The following KIF1B variants were observed in gnomAD, a reference collection of about 807,000 sequenced individuals.
KIF1B encodes the protein kinesin-like protein KIF1B.
Under a neutral mutation model 241.9 loss-of-function variants are expected in KIF1B, and 76 were observed. The observed-to-expected ratio is 0.31, with a 90% confidence interval of 0.26 to 0.38. The LOEUF (loss-of-function observed/expected upper bound fraction) is 0.38, where lower values mean the gene tolerates loss of function less well. Among genes scored for constraint, KIF1B ranks in the 10% least tolerant of loss-of-function variants. The pLI, the probability that KIF1B is intolerant of heterozygous loss-of-function variation, is 1.00. For synonymous variants in KIF1B, 750 were observed against 796.7 expected, an observed-to-expected ratio of 0.94 and a Z score of 0.99; for missense variants, 1,622 against 2,271.4, an observed-to-expected ratio of 0.71 and a Z score of 5.81.
At chr1:10,258,353 T>C in intron 3 of KIF1B, 140 bp from the exon 4 acceptor site, 1 of 760,754 alleles carries the variant, frequency 1.3e-6, no homozygotes, top group South Asian at 1.7e-5. Flanking sequence ...AGTAAACTTG[T>C]GTATAGGAGG....
chr1:10,256,531 T>C lies in KIF1B; in HGVS notation c.183+208T>C, dbSNP rs540975135. ...GTTTATGTACACATATACATAAATA[T>C]ATACACATATATACATACAGAACAT... is the stretch of plus-strand genomic sequence containing the variant. On this transcript the variant is annotated intron_variant, in intron 3 of 48. Coordinates refer to ENST00000676179, the MANE Select transcript of KIF1B (RefSeq NM_001365951.3). Among the ~76,000 whole-genome samples, 14 of 152,210 alleles carry C rather than the reference T, an allele frequency of 9.2e-5. No homozygotes were observed. The South Asian group carries it at 2.9e-3, about 32-fold the overall frequency.
chr1:10,334,444 T>A (rs1046483728), intron 27 of KIF1B, 76 bp from the exon 28 acceptor site: 43 of 1,078,272 alleles, frequency 4.0e-5, no homozygotes, highest in Non-Finnish European at 6.2e-5. Flanking sequence ...TGCAGGAAGA[T>A]GTTCTCAGTG....
At position 10,303,877 on chromosome 1, in the gene KIF1B, C is replaced by G; in HGVS notation, c.2115+6631C>G. 6.2e-7 allele frequency: 1 copy of G among 1,614,178 alleles called. No homozygotes were observed. Reference sequence around the variant, plus strand: ...TGTAAGTAAAGGAGACAATGGAGAACTTGCAAAAGAAGAACGTGTTTCCCA... The same window carrying G: ...TGTAAGTAAAGGAGACAATGGAGAAGTTGCAAAAGAAGAACGTGTTTCCCA... On this transcript the variant is annotated intron_variant, in intron 22 of 48. Coordinates refer to ENST00000676179, the MANE Select transcript of KIF1B (RefSeq NM_001365951.3). The surrounding 1 kb of genome is among the most constrained non-coding windows in gnomAD (Gnocchi z 5.2).
At chr1:10,291,346 T>C (rs1057485498) in intron 16 of KIF1B, among the ~76,000 whole-genome samples, 185 bp downstream of exon 16, 1 of 152,170 alleles carries the variant, frequency 6.6e-6, no homozygotes, top group African/African-American at 2.4e-5. Flanking sequence ...GACATCTACA[T>C]ATTTAAATAT....
chr1:10,355,440 A>C (rs1017952802), intron 38 of KIF1B: 1 of 152,578 alleles, frequency 6.6e-6, no homozygotes, highest in Non-Finnish European at 1.5e-5. Context: ...CTAGTTTATC[A>C]GAATGCTTTC....
chr1:10,361,610 G>T (rs888654509), intron 39 of KIF1B, 82 bp from the exon 40 acceptor site: 1 of 1,562,398 alleles, frequency 6.4e-7, no homozygotes, highest in South Asian at 1.1e-5. Flanking sequence ...ACTGGGACTC[G>T]CTTTCCAAAT....
At chr1:10,246,685 A>G (rs535940696) in intron 2 of KIF1B, among the ~76,000 whole-genome samples, 25 of 152,156 alleles carry the variant, frequency 1.6e-4, no homozygotes, top group Non-Finnish European at 2.1e-4. Context: ...CGAAGTTTGC[A>G]GTGAGCTGAG....
rs1651699093 is a variant in KIF1B, at chr1:10,325,731, G to T, written c.2676-380G>T. Among the ~76,000 whole-genome samples, 3 of 152,212 alleles carry T rather than the reference G, an allele frequency of 2.0e-5. No homozygotes were observed. The South Asian group carries it at 6.2e-4, about 31-fold the overall frequency. On this transcript the variant is annotated intron_variant, in intron 26 of 48. Coordinates refer to ENST00000676179, the MANE Select transcript of KIF1B (RefSeq NM_001365951.3). ...TGGTTTCTGCTCCAAAATGACGTGA[G>T]AATTTCAGTAAAGACTGAAAGCCTT... is the stretch of plus-strand genomic sequence containing the variant.
intron 2 of KIF1B, among the ~76,000 whole-genome samples, chr1:10,232,931 CTA>C (rs1463780406): frequency 1.3e-5 from 2 of 152,108 alleles, no homozygotes; most frequent in Non-Finnish European, 2.9e-5. Context: ...GTTTGTTTCT[CTA>C]TAGAATTGCT....
chr1:10,326,375 G>A lies in KIF1B; in HGVS notation c.2924+16G>A. The A allele has an allele frequency of 6.2e-7, 1 of 1,614,054 alleles. No homozygotes were observed. Among genetic ancestry groups the A allele is most frequent in the South Asian group, 1.1e-5 (1 of 91,066 alleles). ...TAGTGGGAAGGTTGGTGAGGTTATT[G>A]TGAGAAAGGCGAAAAGGGACCAGCT... On this transcript the variant is annotated intron_variant, in intron 27 of 48. Coordinates refer to ENST00000676179, the MANE Select transcript of KIF1B (RefSeq NM_001365951.3). The surrounding 1 kb of genome is among the most constrained non-coding windows in gnomAD (Gnocchi z 5.2).
At chr1:10,313,766 G>A (rs1423029917) in intron 22 of KIF1B, among the ~76,000 whole-genome samples, 7 of 150,698 alleles carry the variant, frequency 4.6e-5, no homozygotes, top group Admixed American at 2.0e-4. Context: ...TAGCCAGGAT[G>A]GTCTTGATCT....
At position 10,282,359 on chromosome 1, in the gene KIF1B, G is replaced by T. The variant is rs534263334; in HGVS notation, c.1260G>T (p.Leu420Phe). The T allele has an allele frequency of 6.2e-6, 10 of 1,613,890 alleles. No homozygotes were observed. The East Asian group carries it at 2.2e-4, about 36-fold the overall frequency. ...KDFQNNKHRY[L>F]LASENQRPGH... is the part of the protein sequence containing the mutation. ...TTCAGAACAATAAGCATAGATACTT[G>T]CTAGCCTCTGAGAATCAACGCCCTG... The change falls in exon 15 of 49, where the codon TTG becomes TTT. Residue 420 changes from leucine to phenylalanine, a missense_variant. Physicochemically the swap from Leu to Phe is conservative, Grantham distance 22 (BLOSUM62 0). This residue lies in a region of KIF1B where 201 missense variants were observed against 301.2 expected (regional missense o/e 0.67). Coordinates refer to ENST00000676179, the MANE Select transcript of KIF1B (RefSeq NM_001365951.3).
At chr1:10,253,968 G>A (rs1035530925) in intron 2 of KIF1B, among the ~76,000 whole-genome samples, 5 of 152,224 alleles carry the variant, frequency 3.3e-5, no homozygotes, top group African/African-American at 1.2e-4. Context: ...AGCAACAGCT[G>A]TGCGAGACAG....
intron 38 of KIF1B, 64 bp downstream of exon 38, chr1:10,352,800 G>A: frequency 2.6e-6 from 3 of 1,164,424 alleles, no homozygotes; most frequent in Non-Finnish European, 3.9e-6. Flanking sequence ...ACACCGTTAG[G>A]TGCCTTATTC....
intron 9 of KIF1B, chr1:10,272,568 G>T (rs1648859798): frequency 5.5e-6 from 3 of 541,760 alleles, no homozygotes; most frequent in South Asian, 1.9e-5. Flanking sequence ...TCATTTTTTT[G>T]AGCCTTATTT....
chr1:10,289,873 G>C (rs1649902298), intron 15 of KIF1B, among the ~76,000 whole-genome samples: 1 of 152,120 alleles, frequency 6.6e-6, no homozygotes, highest in Admixed American at 6.6e-5. Context: ...GACAGAATGA[G>C]ACTCTGTCTC....
At position 10,348,760 on chromosome 1, in the gene KIF1B, A is replaced by G. The variant is rs536605339; in HGVS notation, c.3949+27A>G. The G allele has an allele frequency of 2.8e-5, 44 of 1,575,676 alleles. 1 individual carries two copies. The South Asian group carries it at 4.0e-4, about 14-fold the overall frequency. On this transcript the variant is annotated intron_variant, in intron 37 of 48. Coordinates refer to ENST00000676179, the MANE Select transcript of KIF1B (RefSeq NM_001365951.3). ...TGAGTACGTTTCATCAGCCAAGGAT[A>G]GAACCAGGACTTACAGAGATTTTTT...
chr1:10,340,073 G>A lies in KIF1B; in HGVS notation c.3513+214G>A, dbSNP rs114540197. ...CAGTGGGCCTAGTGAATGTGGGTTC[G>A]TCTGCCAATAAAATCTTCCATCAGT... On this transcript the variant is annotated intron_variant, in intron 32 of 48. Coordinates refer to ENST00000676179, the MANE Select transcript of KIF1B (RefSeq NM_001365951.3). 9.9e-3 allele frequency among the ~76,000 whole-genome samples: 1,500 copies of A among 152,196 alleles called. 19 individuals are homozygous for A. Among genetic ancestry groups the A allele is most frequent in the African/African-American group, 0.034 (1,403 of 41,522 alleles).
rs183235687 is a variant in KIF1B, at chr1:10,311,357, C to T, written c.2116-8686C>T. ...CTGAGTAGCTGGGACTACAGGTGAA[C>T]GCCACCACACCGAGCTAATTTTTGT... On this transcript the variant is annotated intron_variant, in intron 22 of 48. Coordinates refer to ENST00000676179, the MANE Select transcript of KIF1B (RefSeq NM_001365951.3). Among the ~76,000 whole-genome samples, 232 of 150,826 alleles carry T rather than the reference C, an allele frequency of 1.5e-3. 7 individuals carry two copies. Among genetic ancestry groups the T allele is most frequent in the African/African-American group, 5.2e-3 (209 of 40,442 alleles).
Sources: allele counts gnomAD v4.1 joint callset (sites outside exome capture counted in the v4.1 genomes callset), GRCh38; gene constraint gnomAD v4.1.1; regional missense constraint gnomAD v4.1.1; non-coding constraint Gnocchi (gnomAD v3.1); transcripts MANE v1.5; gene names NCBI Gene and HGNC (gene_info 2026-07-23, HGNC 2026-07-21).